The following DDB1 variants were observed in gnomAD, a reference collection of about 807,000 sequenced individuals.
DDB1 encodes DNA damage-binding protein 1.
Under a neutral mutation model 133.1 loss-of-function variants are expected in DDB1, and 18 were observed. The observed-to-expected ratio is 0.14, with a 90% CI of 0.09 to 0.20. The LOEUF (loss-of-function observed/expected upper bound fraction) is 0.20, where lower values mean the gene tolerates loss of function less well. Ranked by LOEUF, DDB1 falls within the 10% of genes least tolerant of loss-of-function variation. The probability of loss-of-function intolerance (pLI) is 1.00; values close to 1 mark genes in which losing one functional copy is unlikely to be tolerated. For missense variants in DDB1, 828 were observed against 1,459.2 expected (o/e 0.57, Z 7.05); for synonymous variants, 580 against 550.5 (o/e 1.05, Z -0.75).
In DDB1 at chr11:61,299,778, CACAT is replaced by C; in HGVS notation, c.*354_*357del. 1.2e-5 allele frequency: 4 copies of C among 339,806 alleles called. No individual in the cohort carries two copies. The highest frequency in any genetic ancestry group is 6.3e-5 in the African/African-American group (3 of 47,276). 21.0% of individuals were successfully genotyped at this position (339,806 alleles called of 1,614,324 possible). A position where few individuals can be genotyped will look rare whatever the true frequency, so the allele number is the denominator to read the frequency against. ...GAGGACAATGCATGAGTGTGAGATA[CACAT>C]ACACACACACACATACACACACACA... On this transcript the variant is annotated 3_prime_UTR_variant, in exon 27 of 27. Coordinates refer to ENST00000301764, the MANE Select transcript of DDB1 (RefSeq NM_001923.5).
chr11:61,325,491 C>T, intron 6 of DDB1, 120 bp downstream of exon 6: 1 of 781,408 alleles, frequency 1.3e-6, no homozygotes. Context: ...ACCTTATATA[C>T]ATAGTAAATT....
intron 10 of DDB1, among the ~76,000 whole-genome samples, chr11:61,316,958 T>C (rs1182624621): frequency 4.7e-4 from 8 of 17,106 alleles, no homozygotes; most frequent in African/African-American, 1.2e-3. Context: ...TATATATATA[T>C]ATATATATAT....
chr11:61,327,582 A>C (rs1343564544), intron 4 of DDB1: 1 of 152,398 alleles, frequency 6.6e-6, no homozygotes, highest in African/African-American at 2.4e-5. Flanking sequence ...ACAATTCTTA[A>C]AAGCATTCTG....
Position 61,324,053 on chromosome 11 carries a change from G to A in DDB1, c.847C>T (p.Leu283=), listed in dbSNP as rs1181000191. Residue 283 remains leucine, a synonymous_variant, in exon 7 of 27, where the codon CTG becomes TTG. Transcript: ENST00000301764. ...LGDMEGRLFM[L]LLEKEEQMDG... is the part of the protein sequence containing the mutation. ...ATCTGTTCCTCCTTCTCCAAAAGCA[G>A]CATGAAGAGCCGGCCTTCCATGTCT... 6.2e-7 allele frequency: 1 copy of A among 1,614,180 alleles called. No homozygotes were observed. The highest frequency in any genetic ancestry group is 2.2e-5 in the East Asian group (1 of 44,882).
intron 25 of DDB1, 96 bp downstream of exon 25, chr11:61,302,161 A>C (rs1855807177): frequency 3.7e-6 from 4 of 1,086,278 alleles, no homozygotes; most frequent in South Asian, 1.3e-5. Context: ...ACAGGAACCT[A>C]ATCAAGACAT....
intron 7 of DDB1, 92 bp downstream of exon 7, chr11:61,323,887 A>G: frequency 2.8e-6 from 4 of 1,433,492 alleles, no homozygotes; most frequent in Non-Finnish European, 3.9e-6. Context: ...GTTAAGTAAC[A>G]TAATTCCCAG....
intron 20 of DDB1, 92 bp downstream of exon 20, chr11:61,309,704 T>C: frequency 3.6e-6 from 5 of 1,393,114 alleles, no homozygotes; most frequent in South Asian, 1.3e-5. Flanking sequence ...CTTCTTCTAC[T>C]GCTTAACTGA....
chr11:61,311,399 A>G (rs1590685639), intron 18 of DDB1: 1 of 202,044 alleles, frequency 4.9e-6, no homozygotes, highest in Non-Finnish European at 9.7e-6. Context: ...ATAACATAAC[A>G]TAACATAAAC....
At position 61,316,243 on chromosome 11, in the gene DDB1, A is replaced by T. The variant is rs28720301; in HGVS notation, c.1410+42T>A. On this transcript the variant is annotated intron_variant, in intron 12 of 26. Transcript: ENST00000301764. ...GGTGCTCTGTACTGCATCTAGGTCA[A>T]TTCAAGTATATGGTAACACCTGCCC... is the stretch of plus-strand genomic sequence containing the variant. 0.015 allele frequency: 23,305 copies of T among 1,567,196 alleles called. 1,616 individuals carry two copies. The African/African-American group carries it at 0.18, about 12-fold the overall frequency.
intron 12 of DDB1, 125 bp from the exon 13 acceptor site, chr11:61,314,611 A>G: frequency 1.0e-6 from 1 of 988,270 alleles, no homozygotes; most frequent in Non-Finnish European, 1.5e-6. Context: ...TCTATTTCTT[A>G]TTCCCCAAAG....
chr11:61,315,427 AC>A (rs1856047533), intron 12 of DDB1: 1 of 152,218 alleles, frequency 6.6e-6, no homozygotes, highest in African/African-American at 2.4e-5. Context: ...GATAACACTG[AC>A]AAAGCAATGA....
At position 61,323,933 on chromosome 11, in the gene DDB1, G is replaced by C. The variant is rs762423544; in HGVS notation, c.921+46C>G. On this transcript the variant is annotated intron_variant, in intron 7 of 26. Coordinates refer to ENST00000301764, the MANE Select transcript of DDB1 (RefSeq NM_001923.5). ...TGGGACCACACATTTGGTGTCTTTA[G>C]GAACCTAAAAGAACATTGTAGAGGA... The C allele has an allele frequency of 6.2e-7, 1 of 1,605,626 alleles. No individual in the cohort carries two copies. Among genetic ancestry groups the C allele is most frequent in the Non-Finnish European group, 8.5e-7 (1 of 1,172,898 alleles).
At chr11:61,310,667 C>G in intron 18 of DDB1, 1 of 345,652 alleles carries the variant, frequency 2.9e-6, no homozygotes. Context: ...TCAAGCACAG[C>G]TAAAAAGGAA....
intron 9 of DDB1, chr11:61,322,040 C>T (rs1180428171): frequency 1.8e-6 from 1 of 542,448 alleles, no homozygotes; most frequent in South Asian, 2.7e-5. Context: ...CTTTCTCAGC[C>T]CTAATTTTCC....
intron 10 of DDB1, among the ~76,000 whole-genome samples, chr11:61,317,570 G>A (rs149557788): frequency 0.014 from 2,203 of 152,070 alleles, 59 homozygotes; most frequent in African/African-American, 0.05. Flanking sequence ...GCAATGGCAC[G>A]ATCTCGGCTC....
chr11:61,327,239 G>A (rs971858491), intron 4 of DDB1, among the ~76,000 whole-genome samples: 2 of 152,196 alleles, frequency 1.3e-5, no homozygotes, highest in African/African-American at 2.4e-5. Flanking sequence ...GAAGGCTGAG[G>A]TGGGCAGATC....
chr11:61,306,460 G>C (rs1314225497), intron 21 of DDB1, among the ~76,000 whole-genome samples: 1 of 151,954 alleles, frequency 6.6e-6, no homozygotes. Flanking sequence ...GCAGTCACCT[G>C]AATCCCCAAC....
intron 5 of DDB1, chr11:61,326,325 G>GT (rs564287473): frequency 0.034 from 6,936 of 202,366 alleles, 2 homozygotes; most frequent in South Asian, 0.085. Flanking sequence ...TTTTGTTGTT[G>GT]TTTTTTTTTT....
At chr11:61,319,077 A>T (rs562809706) in intron 10 of DDB1, among the ~76,000 whole-genome samples, 11 of 152,256 alleles carry the variant, frequency 7.2e-5, no homozygotes, top group African/African-American at 2.4e-4. Context: ...GTGGTGGCGC[A>T]TGGTTGGAGT....
Sources: gnomAD v4.1 joint callset for allele counts (sites outside exome capture counted in the v4.1 genomes callset) on GRCh38, gnomAD v4.1.1 for gene constraint, MANE v1.5 for transcripts, NCBI Gene and HGNC (gene_info 2026-07-23, HGNC 2026-07-21) for gene names.